CSF2RA: variants seen among roughly 807,000 people sequenced by gnomAD.
CSF2RA encodes the protein colony stimulating factor 2 receptor subunit alpha.
A neutral mutation model predicts 51.6 loss-of-function variants in CSF2RA; 42 were observed. That is an observed-to-expected ratio of 0.81 (90% confidence interval 0.64 to 1.05). The LOEUF is 1.05. Ranked by LOEUF, CSF2RA falls within the 50% of genes least tolerant of loss-of-function variation. The probability of loss-of-function intolerance (pLI) is 0.00; values close to 1 mark genes in which losing one functional copy is unlikely to be tolerated. For synonymous variants in CSF2RA, 222 were observed against 193.0 expected (o/e 1.15, Z -1.24); for missense variants, 530 against 501.1 (o/e 1.06, Z -0.55).
At chrX:1,301,045 C>A (rs369117505) in intron 10 of CSF2RA, among the ~76,000 whole-genome samples, 1 of 151,224 alleles carries the variant, frequency 6.6e-6, no homozygotes, top group South Asian at 2.1e-4. Flanking sequence ...CCCAGCTACT[C>A]GGGAGGCTGA....
rs2088221511 is a variant in CSF2RA at position 1,270,425 on chromosome X, ACGAGGG to A, written c.-91+1547_-91+1552del. Among the ~76,000 whole-genome samples the A allele has an allele frequency of 2.0e-5, 3 of 151,908 alleles. No homozygotes were observed. The South Asian group carries it at 6.2e-4, about 32-fold the overall frequency. On this transcript the variant is annotated intron_variant, in intron 1 of 12. Transcript: ENST00000381529. Reference sequence around the variant, plus strand: ...GGCAAATATTTGTATTTTTGTAGGGACGAGGGTTTCACTGTGTTTCCCGGGCTGGTC... The same window carrying A: ...GGCAAATATTTGTATTTTTGTAGGGATTTCACTGTGTTTCCCGGGCTGGTC...
chrX:1,285,634 GCAGC>G, intron 3 of CSF2RA, 140 bp from the exon 4 acceptor site: 1 of 47,214 alleles, frequency 2.1e-5, no homozygotes, highest in Non-Finnish European at 2.7e-5. Context: ...GGTGGAGCTT[GCAGC>G]TTGCAGTGAC....
At chrX:1,271,134 G>A (rs1361833640) in intron 1 of CSF2RA, among the ~76,000 whole-genome samples, 8 of 152,008 alleles carry the variant, frequency 5.3e-5, no homozygotes, top group South Asian at 2.1e-4. Context: ...AGCTTGTTGC[G>A]CGTTTTATAG....
In CSF2RA at chrX:1,288,862, G is replaced by C. The variant is rs140998163; in HGVS notation, c.447G>C (p.Gln149His). The C allele has an allele frequency of 1.7e-5, 28 of 1,613,302 alleles. No homozygotes were observed. Among genetic ancestry groups the C allele is most frequent in the Middle Eastern group, 3.3e-4 (2 of 6,056 alleles). ...ARGPTAPRDV[Q>H]YFLYIRNSKR... is the part of the protein sequence containing the mutation. ...GTCCGACGGCCCCCCGTGACGTCCA[G>C]TATTTTTTGTACATACGAAACTCAA... Residue 149 changes from glutamine (Q) to histidine (H), a missense_variant, in exon 6 of 13, where the codon CAG becomes CAC. Coordinates refer to ENST00000381529, the MANE Select transcript of CSF2RA (RefSeq NM_172245.4).
intron 7 of CSF2RA, among the ~76,000 whole-genome samples, chrX:1,292,727 AACGAATGT>A (rs1266645577): frequency 6.6e-6 from 1 of 152,132 alleles, no homozygotes; most frequent in Non-Finnish European, 1.5e-5. Flanking sequence ...CTCAGAATAG[AACGAATGT>A]ACGATCGGGT....
chrX:1,277,785 T>C (rs1389648940), intron 2 of CSF2RA, among the ~76,000 whole-genome samples: 2 of 146,842 alleles, frequency 1.4e-5, no homozygotes, highest in Non-Finnish European at 3.0e-5. Context: ...GAGACCAGCC[T>C]GACCAACATG....
At chrX:1,316,814 A>G in the CSF2RA span, among the ~76,000 whole-genome samples, 26 of 152,350 alleles carry the variant, frequency 1.7e-4, no homozygotes, top group African/African-American at 6.0e-4. Context: ...TGGACACAAA[A>G]CCAGCAGCCG....
At chrX:1,314,497 G>GCCTGCCCAACCCCACTGCA (rs1569514895), downstream of CSF2RA, among the ~76,000 whole-genome samples, 1 of 90,668 alleles carries the variant, frequency 1.1e-5, no homozygotes, top group Admixed American at 1.2e-4. Flanking sequence ...ACCCCACTGT[G>GCCTGCCCAACCCCACTGCA]CCTGCCCAAC....
At chrX:1,306,054 C>G (rs1274074900) in intron 12 of CSF2RA, 2 of 431,098 alleles carry the variant, frequency 4.6e-6, no homozygotes, top group Non-Finnish European at 8.6e-6. Context: ...TGCACTCCAG[C>G]CTGGGTGACA....
At chrX:1,319,919 G>A in the CSF2RA span, among the ~76,000 whole-genome samples, 31 of 146,784 alleles carry the variant, frequency 2.1e-4, 1 homozygote, top group African/African-American at 7.7e-4. Flanking sequence ...GTTTTGAGAT[G>A]GAGTCTCGCT....
intron 11 of CSF2RA, among the ~76,000 whole-genome samples, chrX:1,304,899 A>AG (rs1412442999): frequency 6.8e-6 from 1 of 147,308 alleles, no homozygotes; most frequent in Non-Finnish European, 1.5e-5. Context: ...TCTTGACCTC[A>AG]GGTGATCCAC....
At chrX:1,317,342 C>G in the CSF2RA span, among the ~76,000 whole-genome samples, 1 of 140,852 alleles carries the variant, frequency 7.1e-6, no homozygotes, top group Non-Finnish European at 1.5e-5. Flanking sequence ...ACCTCCGCCT[C>G]CCGGGTTCCA....
chrX:1,302,123 T>TTTTAGC (rs2083043162), intron 10 of CSF2RA, among the ~76,000 whole-genome samples: 1 of 145,864 alleles, frequency 6.9e-6, no homozygotes, highest in East Asian at 2.1e-4. Context: ...ACCATGTTGG[T>TTTTAGC]CAGGCTGTTC....
rs747852116 is a variant in CSF2RA at position 1,271,486 on chromosome X, C to T, written c.-91+2607C>T. Among the ~76,000 whole-genome samples, 91 of 151,224 alleles carry T rather than the reference C, an allele frequency of 6.0e-4. 1 individual carries two copies. Among genetic ancestry groups the T allele is most frequent in the Non-Finnish European group, 1.2e-3 (83 of 67,844 alleles). On this transcript the variant is annotated intron_variant, in intron 1 of 12. Coordinates refer to ENST00000381529, the MANE Select transcript of CSF2RA (RefSeq NM_172245.4). ...TCCTGAGTAGCTAGGATTACAGGCA[C>T]GTGCCACCATGCCCAGCTAATTTTT... is the stretch of plus-strand genomic sequence containing the variant.
At chrX:1,270,292 G>A (rs753774450) in intron 1 of CSF2RA, among the ~76,000 whole-genome samples, 1 of 151,882 alleles carries the variant, frequency 6.6e-6, no homozygotes, top group South Asian at 2.1e-4. Context: ...CAGGCTGGAG[G>A]GCAGTGGTGC....
chrX:1,293,494 C>A (rs778472864), intron 7 of CSF2RA, among the ~76,000 whole-genome samples: 1 of 145,954 alleles, frequency 6.9e-6, no homozygotes, highest in Non-Finnish European at 1.5e-5. Context: ...GCTGGGATTA[C>A]AGGCGTGAGC....
chrX:1,303,961 G>T lies in CSF2RA; in HGVS notation c.985G>T (p.Val329Leu). 6.2e-7 allele frequency: 1 copy of T among 1,613,472 alleles called. No individual in the cohort carries two copies. Among genetic ancestry groups the T allele is most frequent in the Non-Finnish European group, 8.5e-7 (1 of 1,179,814 alleles). Residue 329 changes from valine to leucine, a missense_variant, in exon 11 of 13, where the codon GTG (valine) becomes TTG (leucine). By Grantham distance (32) the Val-to-Leu change is conservative. Transcript: ENST00000381529. ...DGNLGSVYIY[V>L]LLIVGTLVCG... ...GAACCTCGGCTCTGTGTACATTTAT[G>T]TGCTCCTAATCGTGGGAACCCTTGT...
the CSF2RA span, among the ~76,000 whole-genome samples, chrX:1,318,925 A>AG: frequency 6.6e-6 from 1 of 151,132 alleles, no homozygotes; most frequent in Non-Finnish European, 1.5e-5. Context: ...TCAAAAAAAA[A>AG]AAAGAAAGAA....
chrX:1,320,893 A>G, the CSF2RA span, among the ~76,000 whole-genome samples: 1 of 149,796 alleles, frequency 6.7e-6, no homozygotes, highest in Non-Finnish European at 1.5e-5. Context: ...AAGTTCGAGT[A>G]CAGTGGCGCG....
Sources: gnomAD v4.1 joint callset for allele counts (sites outside exome capture counted in the v4.1 genomes callset) on GRCh38, gnomAD v4.1.1 for gene constraint, MANE v1.5 for transcripts, NCBI Gene and HGNC (gene_info 2026-07-23, HGNC 2026-07-21) for gene names.